The following ARK2N variants were observed in gnomAD, a reference collection of about 807,000 sequenced individuals.
ARK2N encodes arkadia (RNF111) N-terminal like PKA signaling regulator 2N.
At chr18:46,260,496 T>C in the ARK2N span, among the ~76,000 whole-genome samples, 1 of 152,244 alleles carries the variant, frequency 6.6e-6, no homozygotes, top group Admixed American at 6.5e-5. Flanking sequence ...ATTCTCTTCA[T>C]TGTTTAAAGT....
the ARK2N span, among the ~76,000 whole-genome samples, chr18:46,213,244 C>T: frequency 1.3e-5 from 2 of 151,824 alleles, no homozygotes; most frequent in Non-Finnish European, 2.9e-5. Context: ...TCGTGATCCA[C>T]CTGCCTCGGC....
chr18:46,181,808 A>C, the ARK2N span, among the ~76,000 whole-genome samples: 6 of 152,276 alleles, frequency 3.9e-5, 1 homozygote, highest in South Asian at 1.2e-3. Context: ...GGGTCTTACT[A>C]TGTTGGCCAG....
the ARK2N span, among the ~76,000 whole-genome samples, chr18:46,224,972 A>G: frequency 6.6e-6 from 1 of 152,214 alleles, no homozygotes; most frequent in African/African-American, 2.4e-5. Context: ...TGCCCAGGGA[A>G]GTTACAGGAT....
At chr18:46,192,464 C>T in the ARK2N span, among the ~76,000 whole-genome samples, 3 of 151,612 alleles carry the variant, frequency 2.0e-5, no homozygotes, top group African/African-American at 7.3e-5. Flanking sequence ...GTAATCCCAG[C>T]TACTCAGGAG....
chr18:46,221,248 A>G, the ARK2N span, among the ~76,000 whole-genome samples: 5 of 151,746 alleles, frequency 3.3e-5, no homozygotes, highest in African/African-American at 9.7e-5. Flanking sequence ...TGCTGATTTG[A>G]TAGAAGAATG....
the ARK2N span, among the ~76,000 whole-genome samples, chr18:46,194,022 A>G: frequency 6.6e-6 from 1 of 152,056 alleles, no homozygotes; most frequent in Non-Finnish European, 1.5e-5. Flanking sequence ...TTTCTTTTTT[A>G]AGAGACAGTG....
At chr18:46,196,872 A>G in the ARK2N span, among the ~76,000 whole-genome samples, 3 of 152,194 alleles carry the variant, frequency 2.0e-5, no homozygotes, top group Non-Finnish European at 4.4e-5. Flanking sequence ...TGGAAACCTC[A>G]GATTCTTTCC....
At chr18:46,259,305 A>C in the ARK2N span, among the ~76,000 whole-genome samples, 1 of 145,512 alleles carries the variant, frequency 6.9e-6, no homozygotes, top group South Asian at 2.2e-4. Flanking sequence ...GTGCAGTGGC[A>C]CGATCTCGGC....
At chr18:46,189,974 T>A in the ARK2N span, among the ~76,000 whole-genome samples, 1 of 146,390 alleles carries the variant, frequency 6.8e-6, no homozygotes, top group Non-Finnish European at 1.5e-5. Flanking sequence ...AGGCTACTTG[T>A]GTAGCACGAT....
chr18:46,244,138 C>G, the ARK2N span, among the ~76,000 whole-genome samples: 1 of 152,254 alleles, frequency 6.6e-6, no homozygotes, highest in Non-Finnish European at 1.5e-5. Flanking sequence ...ATAATAGCCT[C>G]AGGTAACTCT....
the ARK2N span, among the ~76,000 whole-genome samples, chr18:46,243,891 C>T: frequency 6.6e-6 from 1 of 152,192 alleles, no homozygotes; most frequent in Non-Finnish European, 1.5e-5. Context: ...CTCAGAAATG[C>T]TAACCAGCAT....
At chr18:46,195,021 C>T in the ARK2N span, among the ~76,000 whole-genome samples, 1,616 of 151,374 alleles carry the variant, frequency 0.011, 48 homozygotes, top group African/African-American at 0.037. Context: ...AGGCTGGTCT[C>T]GAACTCCTGG....
the ARK2N span, among the ~76,000 whole-genome samples, chr18:46,229,888 G>A: frequency 3.3e-5 from 5 of 151,934 alleles, no homozygotes; most frequent in Non-Finnish European, 5.9e-5. Context: ...ACAGGTACGA[G>A]CCACCACGCC....
chr18:46,236,525 G>T, the ARK2N span, among the ~76,000 whole-genome samples: 3 of 152,216 alleles, frequency 2.0e-5, no homozygotes, highest in African/African-American at 7.2e-5. Flanking sequence ...AGAAATTTAT[G>T]TTTTAAGATT....
At chr18:46,190,564 TA>T in the ARK2N span, among the ~76,000 whole-genome samples, 1 of 152,068 alleles carries the variant, frequency 6.6e-6, no homozygotes, top group Non-Finnish European at 1.5e-5. Flanking sequence ...TTCATCATTT[TA>T]AAAAAATCAT....
At chr18:46,257,358 A>G in the ARK2N span, among the ~76,000 whole-genome samples, 1 of 152,054 alleles carries the variant, frequency 6.6e-6, no homozygotes, top group African/African-American at 2.4e-5. Context: ...CTTTTCTTGC[A>G]TGCTAATATC....
chr18:46,217,506 T>C, the ARK2N span: 1 of 152,226 alleles, frequency 6.6e-6, no homozygotes, highest in Admixed American at 6.5e-5. Flanking sequence ...TTGGGTTTTC[T>C]AAAGTTTTAT....
At chr18:46,184,652 G>C in the ARK2N span, among the ~76,000 whole-genome samples, 3 of 152,184 alleles carry the variant, frequency 2.0e-5, no homozygotes, top group Admixed American at 6.6e-5. Context: ...AGCCTAGGAA[G>C]GTAAGGCTGC....
the ARK2N span, among the ~76,000 whole-genome samples, chr18:46,187,869 C>T: frequency 2.4e-4 from 37 of 152,192 alleles, no homozygotes; most frequent in African/African-American, 8.7e-4. Flanking sequence ...GGTTTTCAAG[C>T]TAAGCCTATT....
Sources: allele counts gnomAD v4.1 joint callset (sites outside exome capture counted in the v4.1 genomes callset), GRCh38; gene constraint gnomAD v4.1.1; transcripts MANE v1.5; gene names NCBI Gene and HGNC (gene_info 2026-07-23, HGNC 2026-07-21).